The following MAF variants were observed in gnomAD, a reference collection of about 807,000 sequenced individuals.
MAF encodes the protein transcription factor Maf.
A neutral mutation model predicts 22.0 loss-of-function variants in MAF; 10 were observed. The ratio of observed to expected loss-of-function variants is 0.45; its 90% confidence interval spans 0.28 to 0.77. MAF has a LOEUF of 0.77. Ranked by LOEUF, MAF falls within the 30% of genes least tolerant of loss-of-function variation. The pLI is 0.12. For synonymous variants in MAF, 337 were observed against 255.8 expected (o/e 1.32, Z -3.03); for missense variants, 544 against 548.4 (o/e 0.99, Z 0.08).
chr16:79,350,204 G>A, the MAF span, among the ~76,000 whole-genome samples: 22,613 of 152,102 alleles, frequency 0.15, 3,767 homozygotes, highest in African/African-American at 0.41. Flanking sequence ...TGGACTCTAT[G>A]GACCTAAACC....
chr16:79,348,766 T>C, the MAF span, among the ~76,000 whole-genome samples: 4 of 152,182 alleles, frequency 2.6e-5, no homozygotes, highest in Non-Finnish European at 5.9e-5. Flanking sequence ...GAAAAGCAAT[T>C]CTAGTGATTC....
the MAF span, among the ~76,000 whole-genome samples, chr16:79,215,089 CAAG>C: frequency 5.9e-5 from 9 of 152,072 alleles, no homozygotes; most frequent in African/African-American, 2.2e-4. Flanking sequence ...AAGCTGAGGC[CAAG>C]AAGTGTCAAT....
chr16:79,478,966 ACC>A, the MAF span, among the ~76,000 whole-genome samples: 1 of 151,658 alleles, frequency 6.6e-6, no homozygotes, highest in Non-Finnish European at 1.5e-5. Context: ...ATCTTAATGC[ACC>A]CGTGCACCAC....
At chr16:79,368,492 T>C in the MAF span, among the ~76,000 whole-genome samples, 6 of 152,180 alleles carry the variant, frequency 3.9e-5, no homozygotes, top group Non-Finnish European at 7.3e-5. Flanking sequence ...AAAAGTGATC[T>C]TGGTCACTTT....
the MAF span, among the ~76,000 whole-genome samples, chr16:79,476,535 A>G: frequency 6.6e-6 from 1 of 151,884 alleles, no homozygotes; most frequent in African/African-American, 2.4e-5. Context: ...TTGACTCCCA[A>G]CTCTGCTCCT....
the MAF span, among the ~76,000 whole-genome samples, chr16:79,209,968 C>G: frequency 4.6e-5 from 7 of 152,286 alleles, no homozygotes; most frequent in Admixed American, 2.0e-4. Flanking sequence ...TAATATCTGG[C>G]TATTTGGAGT....
chr16:79,492,791 C>A, the MAF span, among the ~76,000 whole-genome samples: 1 of 152,080 alleles, frequency 6.6e-6, no homozygotes, highest in Admixed American at 6.5e-5. Flanking sequence ...TTCTTTAAGT[C>A]CATTTACATA....
At chr16:79,468,600 C>A in the MAF span, among the ~76,000 whole-genome samples, 47 of 152,342 alleles carry the variant, frequency 3.1e-4, no homozygotes, top group African/African-American at 1.1e-3. Context: ...CTGGCCTTAA[C>A]CTGCTCAGCC....
At chr16:79,537,253 T>G in the MAF span, among the ~76,000 whole-genome samples, 1 of 152,226 alleles carries the variant, frequency 6.6e-6, no homozygotes, top group African/African-American at 2.4e-5. Flanking sequence ...GTTTCCTGGT[T>G]TTCCTTTGTG....
At chr16:79,468,399 G>A in the MAF span, among the ~76,000 whole-genome samples, 1 of 152,240 alleles carries the variant, frequency 6.6e-6, no homozygotes, top group African/African-American at 2.4e-5. Context: ...GAGAGGATTA[G>A]CACTTGGGGT....
chr16:79,598,581 G>GGC (rs150301079), intron 1 of MAF: 2 of 1,409,632 alleles, frequency 1.4e-6, no homozygotes, highest in Middle Eastern at 2.6e-4. Flanking sequence ...CAGGGTGTGG[G>GGC]GTGTGTGTGT....
the MAF span, among the ~76,000 whole-genome samples, chr16:79,416,813 T>C: frequency 6.6e-6 from 1 of 152,222 alleles, no homozygotes; most frequent in African/African-American, 2.4e-5. Context: ...AGCCGCTGTG[T>C]TGTTTTTTGA....
chr16:79,293,456 A>G, the MAF span, among the ~76,000 whole-genome samples: 2 of 152,198 alleles, frequency 1.3e-5, no homozygotes, highest in Non-Finnish European at 2.9e-5. Flanking sequence ...CACTTTCTAT[A>G]TGTTACATTT....
the MAF span, among the ~76,000 whole-genome samples, chr16:79,413,985 G>C: frequency 1.2e-4 from 19 of 152,208 alleles, no homozygotes; most frequent in Admixed American, 6.5e-4. Context: ...GGCTCCATCA[G>C]TAGCTGGCCA....
chr16:79,598,788 A>G lies in MAF; in HGVS notation c.1115T>C (p.Phe372Ser), dbSNP rs1913761573. The change falls in exon 1 of 2, where the codon TTC (phenylalanine) becomes TCC (serine). Residue 372 changes from phenylalanine (F) to serine (S), a missense_variant. Physicochemically the swap from Phe to Ser is radical, Grantham distance 155. Transcript: ENST00000326043. ...SSDNPSSPEF[F>S]ITEPTRKLEP... ...TGGAATCGCGTGTCAGACTCACATG[A>G]AAAACTCGGGAGAGGACGGGTTGTC... 8.7e-6 allele frequency: 14 copies of G among 1,613,588 alleles called. No homozygotes were observed. Among genetic ancestry groups the G allele is most frequent in the Non-Finnish European group, 1.1e-5 (13 of 1,179,942 alleles).
downstream of MAF, among the ~76,000 whole-genome samples, chr16:79,584,587 T>C (rs1912727421): frequency 6.6e-6 from 1 of 152,164 alleles, no homozygotes; most frequent in South Asian, 2.1e-4. Flanking sequence ...ATGGATGGTT[T>C]CAATGTCACG....
the MAF span, among the ~76,000 whole-genome samples, chr16:79,216,811 C>CTTT: frequency 4.3e-5 from 6 of 140,942 alleles, no homozygotes; most frequent in African/African-American, 1.6e-4. Context: ...CTATCTGCTA[C>CTTT]TTTTTTTTTT....
chr16:79,433,816 T>G, the MAF span, among the ~76,000 whole-genome samples: 2 of 152,168 alleles, frequency 1.3e-5, no homozygotes, highest in Non-Finnish European at 2.9e-5. Flanking sequence ...CTACGTTTGA[T>G]TAAAAATCCA....
the MAF span, among the ~76,000 whole-genome samples, chr16:79,423,202 C>T: frequency 6.6e-6 from 1 of 152,156 alleles, no homozygotes; most frequent in African/African-American, 2.4e-5. Context: ...CAAGAGTTAT[C>T]AGTTGTTTAT....
Sources: allele counts gnomAD v4.1 joint callset (sites outside exome capture counted in the v4.1 genomes callset), GRCh38; gene constraint gnomAD v4.1.1; transcripts MANE v1.5; gene names NCBI Gene and HGNC (gene_info 2026-07-23, HGNC 2026-07-21).